Variants in CDKL2 observed in about 807,000 individuals in gnomAD.
CDKL2 encodes cyclin-dependent kinase-like 2.
CDKL2 carries 64 observed loss-of-function variants against 63.9 expected under a neutral mutation model. The ratio of observed to expected loss-of-function variants is 1.00; its 90% CI spans 0.82 to 1.23. The LOEUF (loss-of-function observed/expected upper bound fraction) is 1.23. Among genes scored for constraint, CDKL2 ranks in the 50% most tolerant of loss-of-function variants. The pLI is 0.00. For synonymous variants in CDKL2, 211 were observed against 229.2 expected, an observed-to-expected ratio of 0.92 and a Z score of 0.72; for missense variants, 656 against 668.0, an observed-to-expected ratio of 0.98 and a Z score of 0.20.
intron 2 of CDKL2, among the ~76,000 whole-genome samples, chr4:75,619,666 C>T (rs1191777791): frequency 2.7e-5 from 4 of 150,450 alleles, no homozygotes; most frequent in African/African-American, 9.8e-5. Flanking sequence ...TCTTTCCATG[C>T]CCTCTATCTG....
chr4:75,622,651 G>A (rs1285315331), intron 2 of CDKL2, among the ~76,000 whole-genome samples: 1 of 121,062 alleles, frequency 8.3e-6, no homozygotes, highest in Non-Finnish European at 1.6e-5. Context: ...CCAGCGGGTA[G>A]AAGTTGCAGC....
At chr4:75,592,321 G>A in intron 10 of CDKL2, 52 bp from the exon 11 acceptor site, 1 of 1,437,060 alleles carries the variant, frequency 7.0e-7, no homozygotes. Context: ...AGGTTAGCTA[G>A]GCTTTCCTTC....
Position 75,610,008 on chromosome 4 carries a change from C to G in CDKL2, c.364-2647G>C, listed in dbSNP as rs183331652. Among the ~76,000 whole-genome samples, 713 of 152,016 alleles carry G rather than the reference C, an allele frequency of 4.7e-3. 1 individual carries two copies. The highest frequency in any genetic ancestry group is 7.4e-3 in the Non-Finnish European group (502 of 67,984). On this transcript the variant is annotated intron_variant, in intron 3 of 13. Transcript: ENST00000307465. Reference sequence around the variant, plus strand: ...CACGAGGTCAGGAGATCGAGACATCCTGGCTAATATAGTGAAACCCCGTCT... The same window carrying G: ...CACGAGGTCAGGAGATCGAGACATCGTGGCTAATATAGTGAAACCCCGTCT...
intron 7 of CDKL2, among the ~76,000 whole-genome samples, chr4:75,599,217 G>A (rs2148879551): frequency 6.6e-6 from 1 of 152,284 alleles, no homozygotes; most frequent in South Asian, 2.1e-4. Context: ...AACAAAGGAA[G>A]AAAGACTCAA....
intron 12 of CDKL2, among the ~76,000 whole-genome samples, chr4:75,583,197 CAT>C (rs1015196876): frequency 2.6e-5 from 4 of 152,148 alleles, no homozygotes; most frequent in African/African-American, 7.2e-5. Flanking sequence ...TAAAACAAAA[CAT>C]ATAACGTATT....
chr4:75,598,111 G>A lies in CDKL2; in HGVS notation c.986C>T (p.Ser329Phe), dbSNP rs778530783. ...AAGTGTTTTTCTTTCTTCAACTAAG[G>A]AATCATCTTTTTCTTTTTCCTTCTT... ...NRKKEKEKDDSLVEERKTLVV... is the reference protein window; with the variant it reads ...NRKKEKEKDDFLVEERKTLVV... Residue 329 changes from serine to phenylalanine, a missense_variant, in exon 8 of 14, where the codon TCC (serine) becomes TTC (phenylalanine). By Grantham distance (155) the Ser-to-Phe change is radical (BLOSUM62 -2). Coordinates refer to ENST00000307465, the MANE Select transcript of CDKL2 (RefSeq NM_001330724.2). 1.9e-6 allele frequency: 3 copies of A among 1,550,192 alleles called. No homozygotes were observed. The highest frequency in any genetic ancestry group is 2.6e-6 in the Non-Finnish European group (3 of 1,139,858).
At position 75,621,605 on chromosome 4, in the gene CDKL2, A is replaced by C. The variant is rs35728690; in HGVS notation, c.168+4216T>G. ...AGTGGCTATTCACAGGCATGATCAT[A>C]GCACACCACAGTCTCAAACTCCTGG... On this transcript the variant is annotated intron_variant, in intron 2 of 13. Transcript: ENST00000307465. Among the ~76,000 whole-genome samples the C allele has an allele frequency of 3.1e-3, 466 of 151,920 alleles. 5 individuals are homozygous for C. Among genetic ancestry groups the C allele is most frequent in the African/African-American group, 0.011 (440 of 41,428 alleles).
intron 5 of CDKL2, among the ~76,000 whole-genome samples, chr4:75,605,005 A>C (rs543025134): frequency 6.6e-6 from 1 of 152,250 alleles, no homozygotes; most frequent in African/African-American, 2.4e-5. Context: ...CTCAAAAAAT[A>C]AAAAAGAACA....
At chr4:75,628,375 A>G (rs1290975025) in intron 1 of CDKL2, among the ~76,000 whole-genome samples, 1 of 152,126 alleles carries the variant, frequency 6.6e-6, no homozygotes, top group Non-Finnish European at 1.5e-5. Context: ...TCGGCCTCCG[A>G]AAGTTCTGGG....
Position 75,599,290 on chromosome 4 carries a change from G to A in CDKL2, c.884+991C>T, listed in dbSNP as rs139526866. Among the ~76,000 whole-genome samples, 147 of 152,174 alleles carry A rather than the reference G, an allele frequency of 9.7e-4. 2 individuals are homozygous for A. The highest frequency in any genetic ancestry group is 3.1e-3 in the African/African-American group (129 of 41,528). ...AAGAAACTACCACTGGGCCAGGAAC[G>A]GTGGCTCATGCCTGTAATCCCAGCA... is the stretch of plus-strand genomic sequence containing the variant. On this transcript the variant is annotated intron_variant, in intron 7 of 13. Coordinates refer to ENST00000307465, the MANE Select transcript of CDKL2 (RefSeq NM_001330724.2).
chr4:75,592,289 C>A lies in CDKL2; in HGVS notation c.1417-20G>T. On this transcript the variant is annotated intron_variant, in intron 10 of 13. Coordinates refer to ENST00000307465, the MANE Select transcript of CDKL2 (RefSeq NM_001330724.2). ...AGAGACCTAATATCATCAACATAGT[C>A]AACAAAAAAGAATTAGTTTCAAGGT... 6.7e-7 allele frequency: 1 copy of A among 1,502,336 alleles called. No homozygotes were observed. Among genetic ancestry groups the A allele is most frequent in the Non-Finnish European group, 8.8e-7 (1 of 1,134,930 alleles). The allele number at this position is 1,502,336 out of a possible 1,614,324, so 93.1% of individuals were successfully genotyped here. A position where few individuals can be genotyped will look rare whatever the true frequency, so the allele number is the denominator to read the frequency against.
intron 12 of CDKL2, 110 bp downstream of exon 12, chr4:75,591,709 C>A: frequency 3.1e-6 from 2 of 650,270 alleles, no homozygotes; most frequent in Non-Finnish European, 5.1e-6. Flanking sequence ...GTTATAGATC[C>A]CACCAATAAA....
chr4:75,580,589 C>T (rs1252061852), intron 13 of CDKL2, among the ~76,000 whole-genome samples: 1 of 149,774 alleles, frequency 6.7e-6, no homozygotes, highest in African/African-American at 2.4e-5. Context: ...ATCGCTTCAG[C>T]CTAGGAGGCA....
intron 12 of CDKL2, among the ~76,000 whole-genome samples, chr4:75,590,270 T>C (rs1728661029): frequency 6.6e-6 from 1 of 152,222 alleles, no homozygotes; most frequent in South Asian, 2.1e-4. Flanking sequence ...CAGGAATTTG[T>C]TCAGTTTTAA....
At chr4:75,622,531 C>T (rs537237013) in intron 2 of CDKL2, among the ~76,000 whole-genome samples, 10 of 151,578 alleles carry the variant, frequency 6.6e-5, no homozygotes, top group East Asian at 1.9e-4. Flanking sequence ...CCAGCCTGGC[C>T]GACATGGTGA....
In CDKL2 at chr4:75,595,685, A is replaced by C. The variant is rs62320983; in HGVS notation, c.1416+562T>G. Among the ~76,000 whole-genome samples, 216 of 152,220 alleles carry C rather than the reference A, an allele frequency of 1.4e-3. 1 individual carries two copies. The highest frequency in any genetic ancestry group is 1.8e-3 in the Non-Finnish European group (124 of 68,000). ...GATGGCTCACACCTGTAATCCCAGC[A>C]CTTTGGGAGGCCAAGGCAGGTGGAT... On this transcript the variant is annotated intron_variant, in intron 10 of 13. Transcript: ENST00000307465.
intron 1 of CDKL2, 37 bp from the exon 2 acceptor site, chr4:75,626,054 T>C: frequency 7.7e-7 from 1 of 1,306,004 alleles, no homozygotes; most frequent in Non-Finnish European, 1.1e-6. Flanking sequence ...CAAAGTTGAG[T>C]ACGTTAATTT....
At chr4:75,581,588 G>C (rs187440339) in intron 13 of CDKL2, among the ~76,000 whole-genome samples, 3 of 152,236 alleles carry the variant, frequency 2.0e-5, no homozygotes, top group Admixed American at 2.0e-4. Context: ...AAATGCAGGA[G>C]ATTAGTTTAA....
At chr4:75,588,458 T>C (rs1353247258) in intron 12 of CDKL2, among the ~76,000 whole-genome samples, 2 of 152,154 alleles carry the variant, frequency 1.3e-5, no homozygotes, top group Non-Finnish European at 2.9e-5. Context: ...AATAGGAGTT[T>C]AGATATATAT....
Sources: gnomAD v4.1 joint callset for allele counts (sites outside exome capture counted in the v4.1 genomes callset) on GRCh38, gnomAD v4.1.1 for gene constraint, MANE v1.5 for transcripts, NCBI Gene and HGNC (gene_info 2026-07-23, HGNC 2026-07-21) for gene names.